Variants in CPNE4 observed in about 807,000 individuals in gnomAD.
CPNE4 encodes copine-4.
A neutral mutation model predicts 67.9 loss-of-function variants in CPNE4; 25 were observed. That is an observed-to-expected ratio of 0.37 (90% CI 0.27 to 0.51). The LOEUF (loss-of-function observed/expected upper bound fraction) is 0.51, where lower values mean the gene tolerates loss of function less well. Among genes scored for constraint, CPNE4 ranks in the 20% least tolerant of loss-of-function variants. The pLI is 0.93. For synonymous variants in CPNE4, 242 were observed against 244.9 expected (o/e 0.99, Z 0.11); for missense variants, 464 against 690.8 (o/e 0.67, Z 3.68).
chr3:131,922,642 T>A (rs1021421931), intron 1 of CPNE4, among the ~76,000 whole-genome samples: 2 of 152,326 alleles, frequency 1.3e-5, no homozygotes, highest in Non-Finnish European at 1.5e-5. Flanking sequence ...TGGTTGAAAG[T>A]GCTTTGGAAA....
At chr3:131,905,165 T>G in intron 2 of CPNE4, 99 bp downstream of exon 2, 1 of 1,051,628 alleles carries the variant, frequency 9.5e-7, no homozygotes, top group Non-Finnish European at 1.4e-6. Flanking sequence ...TCAAATTTCT[T>G]ATTTCATCAA....
intron 1 of CPNE4, among the ~76,000 whole-genome samples, chr3:131,978,108 TAAAATATATATAAATATATATA>T (rs1560720408): frequency 1.6e-5 from 1 of 63,392 alleles, no homozygotes; most frequent in Non-Finnish European, 2.3e-5. Flanking sequence ...TAAATATATA[TAAAATATATATAAATATATATA>T]TTTATATAAA....
intron 1 of CPNE4, among the ~76,000 whole-genome samples, chr3:131,916,349 A>G (rs1037176103): frequency 6.2e-5 from 2 of 32,222 alleles, no homozygotes; most frequent in East Asian, 1.2e-3. Context: ...TCCAGTTAGA[A>G]AAAAAAAAAA....
upstream of CPNE4, chr3:132,038,013 T>TTC (rs2107711653): frequency 6.3e-6 from 1 of 158,564 alleles, no homozygotes; most frequent in South Asian, 1.9e-4. Flanking sequence ...CTTTTTTTTT[T>TTC]TTTTCTGTAA....
intron 2 of CPNE4, among the ~76,000 whole-genome samples, chr3:131,801,450 G>GTATATATATATA (rs1233533120): frequency 2.0e-4 from 8 of 39,576 alleles, no homozygotes; most frequent in East Asian, 6.4e-4. Context: ...GTGTGTGTGT[G>GTATATATATATA]TGTATATATA....
intron 2 of CPNE4, among the ~76,000 whole-genome samples, chr3:131,872,955 C>A (rs906111253): frequency 7.5e-6 from 1 of 132,470 alleles, no homozygotes; most frequent in African/African-American, 2.5e-5. Flanking sequence ...TGTCTTAATT[C>A]TTCACCCACA....
At chr3:131,707,029 T>A (rs556070879) in intron 3 of CPNE4, among the ~76,000 whole-genome samples, 1 of 152,210 alleles carries the variant, frequency 6.6e-6, no homozygotes, top group Non-Finnish European at 1.5e-5. Flanking sequence ...TCCTGAAGGA[T>A]GTATCGTGGG....
At chr3:131,553,668 C>A (rs529631897) in intron 12 of CPNE4, among the ~76,000 whole-genome samples, 6 of 152,236 alleles carry the variant, frequency 3.9e-5, no homozygotes, top group African/African-American at 7.2e-5. Context: ...TGGTTTCCCT[C>A]ACCTTTTAAA....
At chr3:131,554,406 A>G (rs981205726) in intron 12 of CPNE4, among the ~76,000 whole-genome samples, 1 of 152,102 alleles carries the variant, frequency 6.6e-6, no homozygotes, top group Non-Finnish European at 1.5e-5. Context: ...TGTGGCCTGA[A>G]TAATGTCTAT....
intron 2 of CPNE4, among the ~76,000 whole-genome samples, chr3:131,810,849 G>A (rs527959940): frequency 3.2e-4 from 48 of 152,054 alleles, no homozygotes; most frequent in African/African-American, 1.0e-3. Flanking sequence ...AAGATTATTC[G>A]GCCTTAAAAA....
intron 2 of CPNE4, among the ~76,000 whole-genome samples, chr3:131,846,844 C>CA (rs551890626): frequency 0.035 from 5,257 of 152,210 alleles, 229 homozygotes; most frequent in African/African-American, 0.099. Flanking sequence ...CTACATGTGG[C>CA]TGCTAGGGCT....
chr3:131,669,483 G>C (rs2080350020), intron 7 of CPNE4, among the ~76,000 whole-genome samples, 192 bp downstream of exon 7: 1 of 151,934 alleles, frequency 6.6e-6, no homozygotes, highest in South Asian at 2.1e-4. Flanking sequence ...AATTGATTTT[G>C]GGCTTTCACA....
chr3:131,538,998 G>C (rs1037133862), intron 15 of CPNE4: 7 of 152,254 alleles, frequency 4.6e-5, no homozygotes, highest in African/African-American at 1.7e-4. Flanking sequence ...AACATAACTT[G>C]TGCCCTGTAA....
intron 2 of CPNE4, among the ~76,000 whole-genome samples, chr3:131,777,146 G>A (rs528541992): frequency 2.6e-5 from 4 of 152,162 alleles, no homozygotes; most frequent in African/African-American, 9.6e-5. Context: ...TCCTGAAAGG[G>A]GCGTTATCTT....
chr3:131,807,479 A>G (rs1466225551), intron 2 of CPNE4, among the ~76,000 whole-genome samples: 9 of 152,196 alleles, frequency 5.9e-5, no homozygotes, highest in African/African-American at 2.2e-4. Context: ...ACTAGGGTCT[A>G]TTCTCTTATT....
At chr3:131,801,360 ATATATAT>A in intron 2 of CPNE4, among the ~76,000 whole-genome samples, 1 of 134,636 alleles carries the variant, frequency 7.4e-6, no homozygotes, top group Non-Finnish European at 1.6e-5. Flanking sequence ...TGTACCATAT[ATATATAT>A]GTACCATATA....
At chr3:131,996,754 G>A (rs138219033) in intron 1 of CPNE4, among the ~76,000 whole-genome samples, 7 of 152,050 alleles carry the variant, frequency 4.6e-5, no homozygotes, top group South Asian at 2.1e-4. Flanking sequence ...TCTGTACGGC[G>A]TGTTCTGATT....
intron 1 of CPNE4, among the ~76,000 whole-genome samples, chr3:131,943,399 A>G (rs890576672): frequency 2.0e-5 from 3 of 152,156 alleles, no homozygotes; most frequent in Non-Finnish European, 4.4e-5. Flanking sequence ...ATGTCATTGG[A>G]TTGTTGTAAA....
intron 7 of CPNE4, among the ~76,000 whole-genome samples, chr3:131,613,762 A>C (rs915320841): frequency 6.6e-5 from 10 of 151,030 alleles, no homozygotes; most frequent in African/African-American, 2.2e-4. Flanking sequence ...ACAGACCATC[A>C]CTCCCCTTTG....
Sources: allele counts gnomAD v4.1 joint callset (sites outside exome capture counted in the v4.1 genomes callset), GRCh38; gene constraint gnomAD v4.1.1; transcripts MANE v1.5; gene names NCBI Gene and HGNC (gene_info 2026-07-23, HGNC 2026-07-21).